Variants in ATP10D observed in about 807,000 individuals in gnomAD.
The protein encoded by ATP10D is ATPase phospholipid transporting 10D (putative), also known as phospholipid-transporting ATPase VD.
In ATP10D, 89 loss-of-function variants were observed where a neutral mutation model predicts 144.8. That is an observed-to-expected ratio of 0.61 (90% CI 0.52 to 0.73). The LOEUF is 0.73. ATP10D is among the 30% of genes least tolerant of loss of function. The pLI is 0.00. For missense variants in ATP10D, 1,603 were observed against 1,714.8 expected, an observed-to-expected ratio of 0.93 and a Z score of 1.15; for synonymous variants, 571 against 615.1, an observed-to-expected ratio of 0.93 and a Z score of 1.06.
intron 2 of ATP10D, among the ~76,000 whole-genome samples, chr4:47,514,123 C>T (rs758619900): frequency 9.2e-5 from 14 of 152,208 alleles, no homozygotes; most frequent in African/African-American, 2.7e-4. Context: ...GTATTCAAGA[C>T]GCCAATGCAA....
intron 1 of ATP10D, among the ~76,000 whole-genome samples, chr4:47,507,068 A>T (rs780171020): frequency 6.6e-6 from 1 of 152,214 alleles, no homozygotes; most frequent in African/African-American, 2.4e-5. Context: ...GCAGAGTGTG[A>T]CCAGGTGGTG....
intron 1 of ATP10D, among the ~76,000 whole-genome samples, chr4:47,495,401 G>A (rs979605923): frequency 1.3e-5 from 2 of 152,044 alleles, no homozygotes; most frequent in Non-Finnish European, 2.9e-5. Context: ...ATTAAGTTCT[G>A]TGTATAGGCT....
Position 47,536,533 on chromosome 4 carries a change from A to T in ATP10D, c.1112A>T (p.Tyr371Phe). 18 of 1,613,550 alleles carry T rather than the reference A, an allele frequency of 1.1e-5. No homozygotes were observed. Among genetic ancestry groups the T allele is most frequent in the Non-Finnish European group, 1.5e-5 (18 of 1,179,666 alleles). ...HIISPLLAGF[Y>F]MFWTMIILLQ... ...ATATCACCACTGTTGGCAGGATTTT[A>T]TATGTTTTGGACCATGATCATTTTG... Residue 371 changes from tyrosine to phenylalanine, a missense_variant, in exon 8 of 23, where the codon TAT becomes TTT. Physicochemically the swap from Tyr to Phe is conservative, Grantham distance 22. Coordinates refer to ENST00000273859, the MANE Select transcript of ATP10D (RefSeq NM_020453.4).
intron 16 of ATP10D, 121 bp downstream of exon 16, chr4:47,569,267 A>C: frequency 8.9e-7 from 1 of 1,128,780 alleles, no homozygotes; most frequent in Non-Finnish European, 1.2e-6. Context: ...TTTCTCTACC[A>C]CATTCATGCC....
chr4:47,498,039 C>T (rs1457056982), intron 1 of ATP10D, among the ~76,000 whole-genome samples: 4 of 152,200 alleles, frequency 2.6e-5, no homozygotes, highest in Non-Finnish European at 2.9e-5. Context: ...AGATGTCTTA[C>T]GTACATTCCC....
At chr4:47,563,042 G>GTCCATGGA (rs1260282563) in intron 14 of ATP10D, among the ~76,000 whole-genome samples, 5 of 152,124 alleles carry the variant, frequency 3.3e-5, no homozygotes, top group African/African-American at 1.2e-4. Context: ...CATGGAAAAT[G>GTCCATGGA]AAATAGTAGA....
intron 9 of ATP10D, among the ~76,000 whole-genome samples, chr4:47,537,284 G>C (rs1717907945): frequency 6.6e-6 from 1 of 152,142 alleles, no homozygotes; most frequent in South Asian, 2.1e-4. Flanking sequence ...AATTCCAAAG[G>C]CATTACAGGC....
Position 47,576,864 on chromosome 4 carries a change from T to A in ATP10D, c.3458T>A (p.Leu1153His). ...TDYWVLIFFN[L>H]LFTSAPPVIY... ...TACTGGGTTTTGATCTTCTTCAACCTCCTCTTCACATCTGCCCCTCCTGTC... is the reference window on the plus strand; with the variant it reads ...TACTGGGTTTTGATCTTCTTCAACCACCTCTTCACATCTGCCCCTCCTGTC... The change falls in exon 19 of 23, where the codon CTC (leucine) becomes CAC (histidine). Residue 1153 changes from leucine (L) to histidine (H), a missense_variant. Leu to His is a moderately conservative substitution (Grantham distance 99, BLOSUM62 -3). Transcript: ENST00000273859. 1 of 1,614,168 alleles carries A rather than the reference T, an allele frequency of 6.2e-7. No individual in the cohort carries two copies. The highest frequency in any genetic ancestry group is 8.5e-7 in the Non-Finnish European group (1 of 1,180,006).
chr4:47,561,792 T>A (rs141572495), intron 14 of ATP10D, among the ~76,000 whole-genome samples: 333 of 152,276 alleles, frequency 2.2e-3, no homozygotes, highest in African/African-American at 7.6e-3. Flanking sequence ...GGCATTGGAA[T>A]TTTTTAAAGC....
intron 10 of ATP10D, among the ~76,000 whole-genome samples, chr4:47,552,201 A>T (rs971836790): frequency 3.3e-5 from 5 of 152,164 alleles, no homozygotes; most frequent in African/African-American, 9.7e-5. Flanking sequence ...CAACTTCAGT[A>T]TTACTTCTGT....
At chr4:47,495,592 A>T (rs1170741020) in intron 1 of ATP10D, among the ~76,000 whole-genome samples, 3 of 152,200 alleles carry the variant, frequency 2.0e-5, no homozygotes, top group African/African-American at 4.8e-5. Context: ...TAATGTTTTT[A>T]AAAATATTTT....
At chr4:47,585,405 G>C (rs1043453164) in intron 21 of ATP10D, among the ~76,000 whole-genome samples, 4 of 152,014 alleles carry the variant, frequency 2.6e-5, no homozygotes, top group Non-Finnish European at 4.4e-5. Context: ...ATGTACATGA[G>C]ATGTTTTGAT....
intron 10 of ATP10D, among the ~76,000 whole-genome samples, chr4:47,550,043 A>G (rs1378734519): frequency 6.6e-6 from 1 of 151,858 alleles, no homozygotes; most frequent in South Asian, 2.1e-4. Flanking sequence ...TCTTAAGCCA[A>G]AGTTGCAGTG....
At chr4:47,566,036 C>T (rs1450241731) in intron 15 of ATP10D, among the ~76,000 whole-genome samples, 1 of 152,224 alleles carries the variant, frequency 6.6e-6, no homozygotes, top group Non-Finnish European at 1.5e-5. Flanking sequence ...CCACCTCCCA[C>T]TCCTAGTCCC....
intron 14 of ATP10D, 105 bp downstream of exon 14, chr4:47,561,180 G>T: frequency 7.0e-7 from 1 of 1,426,746 alleles, no homozygotes; most frequent in Non-Finnish European, 9.7e-7. Flanking sequence ...AAACATATAT[G>T]GTTCTGCCTA....
chr4:47,491,843 A>G (rs897950313), intron 1 of ATP10D, among the ~76,000 whole-genome samples: 1 of 152,096 alleles, frequency 6.6e-6, no homozygotes, highest in Admixed American at 6.5e-5. Flanking sequence ...ACCTCGTACC[A>G]TGCTTTCTCA....
chr4:47,510,472 T>C (rs538188942), intron 1 of ATP10D, among the ~76,000 whole-genome samples: 2 of 152,350 alleles, frequency 1.3e-5, no homozygotes, highest in Non-Finnish European at 2.9e-5. Flanking sequence ...TGAAAAGTCC[T>C]AAAGAGAAGG....
chr4:47,512,075 G>A (rs565981613), intron 1 of ATP10D, among the ~76,000 whole-genome samples: 6 of 152,372 alleles, frequency 3.9e-5, no homozygotes, highest in African/African-American at 1.4e-4. Flanking sequence ...AATCCACATA[G>A]AATGGGTTTT....
chr4:47,583,163 A>G (rs532644021), intron 21 of ATP10D: 5 of 152,398 alleles, frequency 3.3e-5, no homozygotes, highest in Admixed American at 6.5e-5. Flanking sequence ...AAGTGTGATT[A>G]TCTTATTCAT....
Sources: gnomAD v4.1 joint callset for allele counts (sites outside exome capture counted in the v4.1 genomes callset) on GRCh38, gnomAD v4.1.1 for gene constraint, MANE v1.5 for transcripts, NCBI Gene and HGNC (gene_info 2026-07-23, HGNC 2026-07-21) for gene names.